CCSER1: variants seen among roughly 807,000 people sequenced by gnomAD.
CCSER1 encodes coiled-coil serine rich protein 1, also known as serine-rich coiled-coil domain-containing protein 1.
Under a neutral mutation model 82.0 loss-of-function variants are expected in CCSER1, and 41 were observed. The ratio of observed to expected loss-of-function variants is 0.50; its 90% CI spans 0.39 to 0.65. The LOEUF is 0.65. Ranked by LOEUF, CCSER1 falls within the 30% of genes least tolerant of loss-of-function variation. CCSER1 has a pLI of 0.00. For synonymous variants in CCSER1, 414 were observed against 383.9 expected (o/e 1.08, Z -0.92); for missense variants, 1,119 against 1,064.2 (o/e 1.05, Z -0.72).
chr4:91,301,581 T>C (rs1223272958), intron 10 of CCSER1, among the ~76,000 whole-genome samples: 1 of 151,162 alleles, frequency 6.6e-6, no homozygotes, highest in Non-Finnish European at 1.5e-5. Context: ...CAGAGGGATA[T>C]ATTAAGTAAG....
At chr4:90,830,853 G>A (rs1051407126) in intron 8 of CCSER1, among the ~76,000 whole-genome samples, 19 of 152,068 alleles carry the variant, frequency 1.2e-4, no homozygotes, top group Non-Finnish European at 2.4e-4. Flanking sequence ...TGACATATGT[G>A]TATTTTAATA....
intron 10 of CCSER1, among the ~76,000 whole-genome samples, chr4:91,259,411 A>G (rs1740931955): frequency 6.6e-6 from 1 of 152,200 alleles, no homozygotes; most frequent in Admixed American, 6.5e-5. Flanking sequence ...ATGAAAGGAT[A>G]TCAACTCATA....
chr4:90,775,351 T>C lies in CCSER1; in HGVS notation c.2011-40411T>C, dbSNP rs1752757561. Among the ~76,000 whole-genome samples, 3 of 152,198 alleles carry C rather than the reference T, an allele frequency of 2.0e-5. No homozygotes were observed. In the South Asian group the frequency reaches 6.2e-4, roughly 31 times the overall value. On this transcript the variant is annotated intron_variant, in intron 7 of 10. Transcript: ENST00000509176. ...CCTGATCAAACAATGTAACTAATTATTATTCCATTCAGGTACAGATAGTTT... is the reference window on the plus strand; with the variant it reads ...CCTGATCAAACAATGTAACTAATTACTATTCCATTCAGGTACAGATAGTTT...
At chr4:91,580,635 C>G (rs1426677293) in intron 10 of CCSER1, among the ~76,000 whole-genome samples, 1 of 151,626 alleles carries the variant, frequency 6.6e-6, no homozygotes. Context: ...AATTAAGGGA[C>G]CATTTTAAAA....
At chr4:90,602,900 T>C (rs2148764565) in intron 5 of CCSER1, among the ~76,000 whole-genome samples, 1 of 152,342 alleles carries the variant, frequency 6.6e-6, no homozygotes, top group Admixed American at 6.5e-5. Context: ...GAAACAAATC[T>C]GTCCTCTCTC....
At chr4:90,974,710 G>A (rs1640748695) in intron 9 of CCSER1, among the ~76,000 whole-genome samples, 1 of 151,418 alleles carries the variant, frequency 6.6e-6, no homozygotes, top group East Asian at 1.9e-4. Context: ...AATAAAAAAA[G>A]ATAGGCAAGT....
chr4:91,366,301 G>A lies in CCSER1; in HGVS notation c.2218-232271G>A, dbSNP rs572641817. ...CTCCCAAAGTGCTGGGATTACAGGC[G>A]TGAGCCACTGTGCCTGGACCTCTCA... On this transcript the variant is annotated intron_variant, in intron 10 of 10. Transcript: ENST00000509176. Among the ~76,000 whole-genome samples, 40 of 152,278 alleles carry A rather than the reference G, an allele frequency of 2.6e-4. No individual in the cohort carries two copies. In the East Asian group the frequency reaches 5.2e-3, roughly 20 times the overall value.
intron 5 of CCSER1, among the ~76,000 whole-genome samples, chr4:90,580,248 C>T (rs939866183): frequency 1.3e-5 from 2 of 152,048 alleles, no homozygotes; most frequent in Non-Finnish European, 2.9e-5. Context: ...AGCTGAAATA[C>T]CACAGGTCAA....
intron 7 of CCSER1, among the ~76,000 whole-genome samples, chr4:90,769,010 A>G (rs1311004007): frequency 2.6e-5 from 4 of 152,194 alleles, no homozygotes. Flanking sequence ...ATGTAGTCCA[A>G]AAATGAAAGT....
intron 9 of CCSER1, among the ~76,000 whole-genome samples, chr4:91,060,371 A>C (rs1321205601): frequency 6.6e-6 from 1 of 152,046 alleles, no homozygotes; most frequent in Admixed American, 6.6e-5. Context: ...CATTTTTGAA[A>C]ACATAATTAT....
chr4:91,227,660 C>A (rs368139128), intron 10 of CCSER1, among the ~76,000 whole-genome samples: 13 of 151,508 alleles, frequency 8.6e-5, no homozygotes, highest in African/African-American at 2.4e-4. Flanking sequence ...TTTTTCAATT[C>A]TTTTCCCCTC....
At chr4:91,241,269 C>T (rs544844198) in intron 10 of CCSER1, among the ~76,000 whole-genome samples, 5 of 121,270 alleles carry the variant, frequency 4.1e-5, no homozygotes, top group Non-Finnish European at 8.3e-5. Context: ...TCTCTCTTGG[C>T]TAATGGTTAA....
intron 10 of CCSER1, among the ~76,000 whole-genome samples, chr4:91,431,425 A>C (rs1221771221): frequency 6.6e-6 from 1 of 152,158 alleles, no homozygotes; most frequent in Non-Finnish European, 1.5e-5. Flanking sequence ...ATACTTCTAA[A>C]GAGAGTGTTT....
chr4:90,434,893 A>T (rs1401002440), intron 4 of CCSER1, among the ~76,000 whole-genome samples: 3 of 152,024 alleles, frequency 2.0e-5, no homozygotes, highest in Non-Finnish European at 4.4e-5. Context: ...CCTTTTCCCC[A>T]CTTCTTTTCG....
intron 6 of CCSER1, among the ~76,000 whole-genome samples, chr4:90,659,520 C>T (rs1730365272): frequency 6.6e-6 from 1 of 151,990 alleles, no homozygotes; most frequent in Non-Finnish European, 1.5e-5. Flanking sequence ...ACAACCACCA[C>T]CAACATCACC....
In CCSER1 at chr4:91,140,985, C is replaced by T. The variant is rs1728969786; in HGVS notation, c.2217+54991C>T. Among the ~76,000 whole-genome samples, 8 of 151,996 alleles carry T rather than the reference C, an allele frequency of 5.3e-5. No homozygotes were observed. In the South Asian group the frequency reaches 1.7e-3, roughly 32 times the overall value. On this transcript the variant is annotated intron_variant, in intron 10 of 10. Transcript: ENST00000509176. ...TCCTTCCCTCCCAGTTTTTATAGTA[C>T]CCAGTGTCTACTGTTGCCATGTTTA...
chr4:90,195,528 A>G (rs1304997645), intron 1 of CCSER1, among the ~76,000 whole-genome samples: 1 of 152,102 alleles, frequency 6.6e-6, no homozygotes, highest in African/African-American at 2.4e-5. Context: ...ATAATGGTGG[A>G]TACATGTCAT....
chr4:90,651,175 T>C (rs1728678442), intron 6 of CCSER1, among the ~76,000 whole-genome samples: 1 of 152,212 alleles, frequency 6.6e-6, no homozygotes, highest in Admixed American at 6.5e-5. Context: ...TTTTAGCAGA[T>C]TTCTATTTCA....
intron 5 of CCSER1, among the ~76,000 whole-genome samples, chr4:90,618,210 C>T (rs1222612684): frequency 2.0e-5 from 3 of 151,948 alleles, no homozygotes; most frequent in Non-Finnish European, 4.4e-5. Flanking sequence ...CAAGTCTTTA[C>T]CTTTGAAAAG....
Sources: allele counts gnomAD v4.1 joint callset (sites outside exome capture counted in the v4.1 genomes callset), GRCh38; gene constraint gnomAD v4.1.1; transcripts MANE v1.5; gene names NCBI Gene and HGNC (gene_info 2026-07-23, HGNC 2026-07-21).